The following MYC variants were observed in gnomAD, a reference collection of about 807,000 sequenced individuals.
The protein encoded by MYC is myc proto-oncogene protein.
A neutral mutation model predicts 30.5 loss-of-function variants in MYC; 1 was observed. The observed-to-expected ratio is 0.03, with a 90% confidence interval of 0.01 to 0.16. The LOEUF (loss-of-function observed/expected upper bound fraction) is 0.16. Ranked by LOEUF, MYC falls within the 10% of genes least tolerant of loss-of-function variation. The pLI is 1.00. For synonymous variants in MYC, 267 were observed against 250.7 expected, an observed-to-expected ratio of 1.07 and a Z score of -0.62; for missense variants, 508 against 589.0, an observed-to-expected ratio of 0.86 and a Z score of 1.42.
intron 1 of MYC, 133 bp downstream of exon 1, chr8:127,736,756 T>A: frequency 9.6e-7 from 1 of 1,036,516 alleles, no homozygotes; most frequent in African/African-American, 1.6e-5. Flanking sequence ...GTAGTTATGG[T>A]AACTGGGGCT....
Position 127,740,770 on chromosome 8 carries a change from C to T in MYC, c.1177C>T (p.Arg393Cys), listed in dbSNP as rs2130106672. 1.2e-6 allele frequency: 2 copies of T among 1,613,930 alleles called. No individual in the cohort carries two copies. Among genetic ancestry groups the T allele is most frequent in the Non-Finnish European group, 1.7e-6 (2 of 1,179,998 alleles). Residue 393 changes from arginine to cysteine, a missense_variant, in exon 3 of 3, where the codon CGT (arginine) becomes TGT (cysteine). Arg to Cys is a radical substitution (Grantham distance 180). This residue lies in a region of MYC where 40 missense variants were observed against 78.4 expected (regional missense o/e 0.51). Transcript: ENST00000621592. The stretch of plus-strand genomic sequence containing the variant: ...GCTAAAACGGAGCTTTTTTGCCCTG[C>T]GTGACCAGATCCCGGAGTTGGAAAA...
At chr8:127,735,570 G>T, upstream of MYC, 1 of 399,080 alleles carries the variant, frequency 2.5e-6, no homozygotes, top group Non-Finnish European at 4.4e-6. Flanking sequence ...CGCTCTGAAC[G>T]CGCGCCCATT....
At chr8:127,735,540 C>G (rs546283688), upstream of MYC, 58 of 399,062 alleles carry the variant, frequency 1.5e-4, no homozygotes, top group East Asian at 2.0e-3. Flanking sequence ...TCATTCCTCC[C>G]TATCTACACT....
At chr8:127,739,166 T>C (rs551193783) in intron 2 of MYC, 147 bp downstream of exon 2, 204 of 939,632 alleles carry the variant, frequency 2.2e-4, no homozygotes, top group Non-Finnish European at 2.8e-4. Flanking sequence ...CTCTGAAACC[T>C]TGGGCTTTAG....
Position 127,738,458 on chromosome 8 carries a change from C to A in MYC, c.241C>A (p.Arg81Ser), listed in dbSNP as rs375402667. The A allele has an allele frequency of 3.1e-6, 5 of 1,607,252 alleles. No individual in the cohort carries two copies. The South Asian group carries it at 5.5e-5, about 18-fold the overall frequency. ...CACCCCGCCCCTGTCCCCTAGCCGC[C>A]GCTCCGGGCTCTGCTCGCCCTCCTA... The change falls in exon 2 of 3, where the codon CGC becomes AGC. Residue 81 changes from arginine (R) to serine (S), a missense_variant. By Grantham distance (110) the Arg-to-Ser change is moderately radical. This residue lies in a region of MYC where 364 missense variants were observed against 381.1 expected (regional missense o/e 0.96). Transcript: ENST00000621592. The surrounding 1 kb of genome is among the most constrained non-coding windows in gnomAD (Gnocchi z 7.6).
In MYC at chr8:127,736,542, C is replaced by T; in HGVS notation, c.-52C>T. On this transcript the variant is annotated 5_prime_UTR_variant, in exon 1 of 3. Transcript: ENST00000621592. ...CTGCCCATTTGGGGACACTTCCCCG[C>T]CGCTGCCAGGACCCGCTTCTCTGAA... 2 of 1,609,020 alleles carry T rather than the reference C, an allele frequency of 1.2e-6. No individual in the cohort carries two copies. The highest frequency in any genetic ancestry group is 2.2e-5 in the South Asian group (2 of 90,788).
At position 127,738,984 on chromosome 8, in the gene MYC, A is replaced by C. The variant is rs750374321; in HGVS notation, c.767A>C (p.His256Pro). Residue 256 changes from histidine to proline, a missense_variant, in exon 2 of 3, where the codon CAT becomes CCT. By Grantham distance (77) the His-to-Pro change is moderately conservative. This residue lies in a region of MYC where 364 missense variants were observed against 381.1 expected (regional missense o/e 0.96). Transcript: ENST00000621592. This position sits in a 1 kb window ranked among gnomAD's most constrained non-coding sequence, Gnocchi z 7.6. ...GGCAGCCCCGAGCCCCTGGTGCTCCATGAGGAGACACCGCCCACCACCAGC... is the reference window on the plus strand; with the variant it reads ...GGCAGCCCCGAGCCCCTGGTGCTCCCTGAGGAGACACCGCCCACCACCAGC... 3.2e-6 allele frequency: 5 copies of C among 1,540,016 alleles called. No individual in the cohort carries two copies. The highest frequency in any genetic ancestry group is 4.3e-6 in the Non-Finnish European group (5 of 1,150,968).
rs563223283 is a variant in MYC, at chr8:127,738,151, G to T, written c.31-97G>T. ...AGGGGATAGCTCTGCAAGGGGAGAG[G>T]TTCGGGACTGTGGCGCGCACTGCGC... is the stretch of plus-strand genomic sequence containing the variant. On this transcript the variant is annotated intron_variant, in intron 1 of 2. Coordinates refer to ENST00000621592, the MANE Select transcript of MYC (RefSeq NM_002467.6). This position sits in a 1 kb window ranked among gnomAD's most constrained non-coding sequence, Gnocchi z 7.6. 2.9e-4 allele frequency: 410 copies of T among 1,433,944 alleles called. 3 individuals carry two copies. In the South Asian group the frequency reaches 5.4e-3, roughly 19 times the overall value. The allele number at this position is 1,433,944 out of a possible 1,614,324, so 88.8% of individuals were successfully genotyped here.
chr8:127,739,627 C>A (rs1234557810), intron 2 of MYC, among the ~76,000 whole-genome samples: 1 of 151,672 alleles, frequency 6.6e-6, no homozygotes. Flanking sequence ...TTCCTTCCCC[C>A]GCCCTCTTGG....
rs753966985 is a variant in MYC, at chr8:127,738,550, C to T, written c.333C>T (p.Ala111=). The change falls in exon 2 of 3, where the codon GCC becomes GCT. Residue 111 remains alanine, a synonymous_variant. Transcript: ENST00000621592. The surrounding 1 kb of genome is among the most constrained non-coding windows in gnomAD (Gnocchi z 7.6). ...GCGGTGGCGGGAGCTTCTCCACGGC[C>T]GACCAGCTGGAGATGGTGACCGAGC... The T allele has an allele frequency of 1.9e-6, 3 of 1,613,044 alleles. No homozygotes were observed. In the South Asian group the frequency reaches 3.3e-5, roughly 18 times the overall value.
rs1813704926 is a variant in MYC, at chr8:127,741,112, C to A, written c.*154C>A. ...ATAATGTAAACTGCCTCAAATTGGACTTTGGGCATAAAAGAACTTTTTTAT... is the reference window on the plus strand; with the variant it reads ...ATAATGTAAACTGCCTCAAATTGGAATTTGGGCATAAAAGAACTTTTTTAT... On this transcript the variant is annotated 3_prime_UTR_variant, in exon 3 of 3. Coordinates refer to ENST00000621592, the MANE Select transcript of MYC (RefSeq NM_002467.6). The A allele has an allele frequency of 1.7e-6, 1 of 581,480 alleles. No individual in the cohort carries two copies. The highest frequency in any genetic ancestry group is 2.6e-6 in the Non-Finnish European group (1 of 383,020). 36.0% of individuals were successfully genotyped at this position (581,480 alleles called of 1,614,324 possible).
chr8:127,735,857 C>A (rs201975172), upstream of MYC: 24 of 398,686 alleles, frequency 6.0e-5, no homozygotes, highest in Non-Finnish European at 8.8e-5. Context: ...GTAGTTAATT[C>A]ATGCGGCTCT....
chr8:127,736,769 G>C (rs1429332144), intron 1 of MYC, 146 bp downstream of exon 1: 1 of 913,636 alleles, frequency 1.1e-6, no homozygotes, highest in African/African-American at 1.7e-5. Flanking sequence ...CTGGGGCTGG[G>C]GTGGGGGGTA....
In MYC at chr8:127,740,765, C is replaced by T; in HGVS notation, c.1172C>T (p.Ala391Val). ...AACGAGCTAAAACGGAGCTTTTTTG[C>T]CCTGCGTGACCAGATCCCGGAGTTG... Residue 391 changes from alanine (A) to valine (V), a missense_variant, in exon 3 of 3, where the codon GCC becomes GTC. Around this residue, in one of 5 missense-constraint regions of MYC, gnomAD observed 40 missense variants for 78.4 expected, o/e 0.51. Transcript: ENST00000621592. The T allele has an allele frequency of 6.2e-7, 1 of 1,613,916 alleles. No individual in the cohort carries two copies. Among genetic ancestry groups the T allele is most frequent in the African/African-American group, 1.3e-5 (1 of 74,972 alleles).
At position 127,740,385 on chromosome 8, in the gene MYC, C is replaced by G. The variant is rs1193133901; in HGVS notation, c.803-11C>G. 8 of 1,609,530 alleles carry G rather than the reference C, an allele frequency of 5.0e-6. No homozygotes were observed. Among genetic ancestry groups the G allele is most frequent in the Non-Finnish European group, 6.8e-6 (8 of 1,177,014 alleles). ...TTGCTAAAGGAGTGATTTCTATTTC[C>G]TTTCTTAAAGAGGAGGAACAAGAAG... is the stretch of plus-strand genomic sequence containing the variant. On this transcript the variant is annotated splice_polypyrimidine_tract_variant and intron_variant, in intron 2 of 2. Coordinates refer to ENST00000621592, the MANE Select transcript of MYC (RefSeq NM_002467.6).
At position 127,742,853 on chromosome 8, in the gene MYC, A is replaced by G. The variant is rs77023277; in HGVS notation, c.*1895A>G. On this transcript the variant is annotated 3_prime_UTR_variant, in exon 3 of 3. Transcript: ENST00000621592. The stretch of plus-strand genomic sequence containing the variant: ...GAAGGATGCTATTGCTGTTCTAATT[A>G]CCTCATTGTCTCAGTCTCAAAGTAG... 3.1e-3 allele frequency among the ~76,000 whole-genome samples: 469 copies of G among 152,322 alleles called. 5 individuals carry two copies. Among genetic ancestry groups the G allele is most frequent in the African/African-American group, 0.011 (448 of 41,568 alleles).
rs557892493 is a variant in MYC, at chr8:127,742,288, T to G, written c.*1330T>G. On this transcript the variant is annotated 3_prime_UTR_variant, in exon 3 of 3. Coordinates refer to ENST00000621592, the MANE Select transcript of MYC (RefSeq NM_002467.6). ...TGAGGCACACAAAGACTCATCCACA[T>G]GCCCAAGATTCACTGATAGGGAAAA... Among the ~76,000 whole-genome samples, 3 of 152,312 alleles carry G rather than the reference T, an allele frequency of 2.0e-5. No individual in the cohort carries two copies. The highest frequency in any genetic ancestry group is 1.3e-4 in the Admixed American group (2 of 15,296).
chr8:127,739,907 C>CATGAGA (rs1369327745), intron 2 of MYC, among the ~76,000 whole-genome samples: 3 of 151,848 alleles, frequency 2.0e-5, no homozygotes, highest in African/African-American at 7.3e-5. Context: ...GCTGTCTTTC[C>CATGAGA]CTTTATGAGA....
rs781657156 is a variant in MYC, at chr8:127,740,528, T to C, written c.935T>C (p.Leu312Pro). The C allele has an allele frequency of 2.5e-6, 4 of 1,613,882 alleles. No homozygotes were observed. Among genetic ancestry groups the C allele is most frequent in the African/African-American group, 1.3e-5 (1 of 74,840 alleles). Reference sequence around the variant, plus strand: ...AAACCTCCTCACAGCCCACTGGTCCTCAAGAGGTGCCACGTCTCCACACAT... The same window carrying C: ...AAACCTCCTCACAGCCCACTGGTCCCCAAGAGGTGCCACGTCTCCACACAT... The change falls in exon 3 of 3, where the codon CTC becomes CCC. Residue 312 changes from leucine (L) to proline (P), a missense_variant. By Grantham distance (98) the Leu-to-Pro change is moderately conservative. This residue lies in a region of MYC where 364 missense variants were observed against 381.1 expected (regional missense o/e 0.96). Transcript: ENST00000621592.
Sources: allele counts gnomAD v4.1 joint callset (sites outside exome capture counted in the v4.1 genomes callset), GRCh38; gene constraint gnomAD v4.1.1; regional missense constraint gnomAD v4.1.1; non-coding constraint Gnocchi (gnomAD v3.1); transcripts MANE v1.5; gene names NCBI Gene and HGNC (gene_info 2026-07-23, HGNC 2026-07-21).